Variants in B4GALT4 observed in about 807,000 individuals in gnomAD.
The protein encoded by B4GALT4 is N-acetyllactosamine synthase.
In B4GALT4, 27 loss-of-function variants were observed where a neutral mutation model predicts 37.3. That is an observed-to-expected ratio of 0.72 (90% confidence interval 0.53 to 1.00). The LOEUF is 1.00. Ranked by LOEUF, B4GALT4 falls within the 50% of genes least tolerant of loss-of-function variation. B4GALT4 has a pLI of 0.00. For missense variants in B4GALT4, 372 were observed against 413.1 expected, an observed-to-expected ratio of 0.90 and a Z score of 0.86; for synonymous variants, 148 against 154.1, an observed-to-expected ratio of 0.96 and a Z score of 0.29.
chr3:119,225,379 T>C (rs2078579205), intron 4 of B4GALT4, among the ~76,000 whole-genome samples: 1 of 152,006 alleles, frequency 6.6e-6, no homozygotes, highest in Non-Finnish European at 1.5e-5. Context: ...GAAGCAGACA[T>C]ATTTTTCTCT....
intron 6 of B4GALT4, among the ~76,000 whole-genome samples, chr3:119,216,593 T>C (rs941437511): frequency 2.0e-5 from 3 of 152,202 alleles, no homozygotes; most frequent in African/African-American, 7.2e-5. Flanking sequence ...TCAGCATTTA[T>C]TACTGGGGTA....
At chr3:119,226,708 T>C in intron 4 of B4GALT4, 101 bp downstream of exon 4, 3 of 965,678 alleles carry the variant, frequency 3.1e-6, no homozygotes, top group South Asian at 3.2e-5. Flanking sequence ...TTGATGATAG[T>C]CTGATGTTCC....
intron 2 of B4GALT4, among the ~76,000 whole-genome samples, chr3:119,233,487 G>A (rs1032646882): frequency 6.6e-6 from 1 of 152,044 alleles, no homozygotes; most frequent in Non-Finnish European, 1.5e-5. Context: ...GTATACAGAG[G>A]GCCAACTTTT....
At chr3:119,233,868 T>G (rs1318796682) in intron 2 of B4GALT4, among the ~76,000 whole-genome samples, 1 of 152,198 alleles carries the variant, frequency 6.6e-6, no homozygotes, top group African/African-American at 2.4e-5. Context: ...AGAGCCAGCA[T>G]AAGGAAGTTC....
intron 5 of B4GALT4, among the ~76,000 whole-genome samples, chr3:119,223,120 C>G (rs1373256999): frequency 6.6e-6 from 1 of 152,214 alleles, no homozygotes; most frequent in African/African-American, 2.4e-5. Flanking sequence ...TTCCTCTCTT[C>G]ATTTGTCCCT....
chr3:119,224,052 C>G lies in B4GALT4; in HGVS notation c.674+6G>C. The G allele has an allele frequency of 6.2e-7, 1 of 1,608,674 alleles. No homozygotes were observed. Among genetic ancestry groups the G allele is most frequent in the Non-Finnish European group, 8.5e-7 (1 of 1,177,750 alleles). On this transcript the variant is annotated splice_donor_region_variant and intron_variant, in intron 5 of 7. Coordinates refer to ENST00000393765, the MANE Select transcript of B4GALT4 (RefSeq NM_003778.4). The stretch of plus-strand genomic sequence containing the variant: ...ACCTAAGCCACCCTCAGCAGAACCA[C>G]CTTACCTGTACCCAGTGCTGTTCCT...
chr3:119,231,879 T>C (rs1444124683), intron 2 of B4GALT4, among the ~76,000 whole-genome samples: 1 of 148,592 alleles, frequency 6.7e-6, no homozygotes, highest in Non-Finnish European at 1.5e-5. Flanking sequence ...GTATATATTT[T>C]TGTATATCAC....
intron 6 of B4GALT4, 47 bp from the exon 7 acceptor site, chr3:119,216,391 C>A: frequency 1.3e-6 from 2 of 1,482,624 alleles, no homozygotes; most frequent in Non-Finnish European, 9.3e-7. Flanking sequence ...TATTTATCTA[C>A]CACTAGGCAA....
At chr3:119,224,349 CG>C in intron 4 of B4GALT4, 104 bp from the exon 5 acceptor site, 2 of 790,872 alleles carry the variant, frequency 2.5e-6, no homozygotes, top group Admixed American at 3.3e-5. Context: ...AATTATTCTA[CG>C]CACGAGACTA....
intron 1 of B4GALT4, chr3:119,239,930 T>C (rs1361925606): frequency 6.6e-6 from 1 of 151,798 alleles, no homozygotes; most frequent in Non-Finnish European, 1.5e-5. Context: ...CCCTGAATCC[T>C]ATTCATCCTG....
At chr3:119,219,252 GCA>G (rs1174321546) in intron 5 of B4GALT4, among the ~76,000 whole-genome samples, 2 of 152,032 alleles carry the variant, frequency 1.3e-5, no homozygotes, top group African/African-American at 4.8e-5. Context: ...GACAGCTCCC[GCA>G]CACACTCTGT....
intron 5 of B4GALT4, among the ~76,000 whole-genome samples, chr3:119,222,423 C>CAGGG (rs5852194): frequency 3.3e-5 from 5 of 152,028 alleles, no homozygotes; most frequent in Non-Finnish European, 5.9e-5. Flanking sequence ...CCCTCTGGAT[C>CAGGG]CACAGCCCCC....
At chr3:119,214,133 TG>T in intron 7 of B4GALT4, 1 of 152,136 alleles carries the variant, frequency 6.6e-6, no homozygotes, top group South Asian at 2.1e-4. Context: ...AGGCTGAGCT[TG>T]GAGGATTGCT....
At chr3:119,216,185 A>AT in intron 7 of B4GALT4, 55 bp downstream of exon 7, 1 of 1,380,680 alleles carries the variant, frequency 7.2e-7, no homozygotes, top group Non-Finnish European at 1.0e-6. Context: ...CATAGTCCTT[A>AT]TTGACAGAAC....
At chr3:119,239,860 A>T (rs1024863498) in intron 1 of B4GALT4, among the ~76,000 whole-genome samples, 1 of 151,132 alleles carries the variant, frequency 6.6e-6, no homozygotes, top group Non-Finnish European at 1.5e-5. Flanking sequence ...ACCTTCCAGC[A>T]CTCCCCGCCT....
chr3:119,234,946 C>A (rs1464865933), intron 2 of B4GALT4: 1 of 152,092 alleles, frequency 6.6e-6, no homozygotes, highest in South Asian at 2.1e-4. Context: ...TTCTGACTAC[C>A]TGCTATTTTC....
intron 2 of B4GALT4, among the ~76,000 whole-genome samples, chr3:119,231,956 A>G (rs2078838515): frequency 6.6e-6 from 1 of 151,550 alleles, no homozygotes; most frequent in East Asian, 1.9e-4. Context: ...CAATGAAAAC[A>G]AAGTGAATTT....
intron 2 of B4GALT4, among the ~76,000 whole-genome samples, chr3:119,235,545 T>C (rs1177558132): frequency 6.6e-6 from 1 of 152,208 alleles, no homozygotes; most frequent in East Asian, 1.9e-4. Context: ...AGACTGATTA[T>C]TTTGCTACTC....
At chr3:119,238,970 T>C (rs2079067057) in intron 1 of B4GALT4, among the ~76,000 whole-genome samples, 1 of 152,174 alleles carries the variant, frequency 6.6e-6, no homozygotes, top group East Asian at 1.9e-4. Flanking sequence ...TGGTCTGTGT[T>C]TGAAATGCCT....
Sources: allele counts gnomAD v4.1 joint callset (sites outside exome capture counted in the v4.1 genomes callset), GRCh38; gene constraint gnomAD v4.1.1; transcripts MANE v1.5; gene names NCBI Gene and HGNC (gene_info 2026-07-23, HGNC 2026-07-21).